EFCAB8: variants seen among roughly 807,000 people sequenced by gnomAD.
The protein encoded by EFCAB8 is EF-hand calcium-binding domain-containing protein 8.
Under a neutral mutation model 116.3 loss-of-function variants are expected in EFCAB8, and 100 were observed. That is an observed-to-expected ratio of 0.86 (90% CI 0.73 to 1.02). EFCAB8 has a LOEUF of 1.02. Among genes scored for constraint, EFCAB8 ranks in the 50% least tolerant of loss-of-function variants. The pLI is 0.00. For synonymous variants in EFCAB8, 558 were observed against 567.9 expected, an observed-to-expected ratio of 0.98 and a Z score of 0.25; for missense variants, 1,320 against 1,416.9, an observed-to-expected ratio of 0.93 and a Z score of 1.10.
intron 7 of EFCAB8, 113 bp from the exon 8 acceptor site, chr20:32,892,100 A>G (rs777094275): frequency 2.5e-5 from 24 of 943,836 alleles, no homozygotes; most frequent in Non-Finnish European, 3.4e-5. Flanking sequence ...CATGGGGGAA[A>G]AAGGGCTGAA....
At chr20:32,865,346 T>C (rs542413271) in intron 2 of EFCAB8, among the ~76,000 whole-genome samples, 1 of 152,172 alleles carries the variant, frequency 6.6e-6, no homozygotes, top group African/African-American at 2.4e-5. Context: ...GAATGCTTGC[T>C]GGGCTTGGGG....
Position 32,906,603 on chromosome 20 carries a change from A to G in EFCAB8, c.1130A>G (p.Asp377Gly), listed in dbSNP as rs1254324245. The G allele has an allele frequency of 5.6e-6, 4 of 718,246 alleles. No individual in the cohort carries two copies. The East Asian group carries it at 1.1e-4, about 19-fold the overall frequency. The allele number at this position is 718,246 out of a possible 1,614,324, so 44.5% of individuals were successfully genotyped here. ...LRLRKGILCF[D>G]YCPDRNFLVT... ...TTAAGGAAAGGGATTCTTTGCTTTG[A>G]TTACTGCCCAGACAGGAACTTCCTG... Residue 377 changes from aspartate (D) to glycine (G), a missense_variant, in exon 12 of 27, where the codon GAT becomes GGT. Asp to Gly is a moderately conservative substitution (Grantham distance 94). Transcript: ENST00000400522.
intron 22 of EFCAB8, among the ~76,000 whole-genome samples, chr20:32,934,140 A>C (rs1988016221): frequency 6.6e-6 from 1 of 151,282 alleles, no homozygotes; most frequent in Non-Finnish European, 1.5e-5. Flanking sequence ...CACCGTGCCC[A>C]GCCCTTTCTA....
chr20:32,961,369 CT>C lies in EFCAB8; in HGVS notation c.3628del (p.Ser1210ProfsTer12). ...SSLLSVTASA[S>X]RLLDSSLPTF... ...CCTTGTTATCTGTCACTGCCTCAGCCTCCAGGCTGCTGGACTCCAGCTTGCC... is the reference window on the plus strand; with the variant it reads ...CCTTGTTATCTGTCACTGCCTCAGCCCCAGGCTGCTGGACTCCAGCTTGCC... On this transcript the variant is annotated frameshift_variant, in exon 27 of 27. Transcript: ENST00000400522. LOFTEE classifies it low-confidence loss of function (END_TRUNC). The C allele has an allele frequency of 6.8e-7, 1 of 1,463,962 alleles. No homozygotes were observed. Among genetic ancestry groups the C allele is most frequent in the Non-Finnish European group, 9.0e-7 (1 of 1,106,800 alleles). 90.7% of individuals were successfully genotyped at this position (1,463,962 alleles called of 1,614,324 possible).
chr20:32,866,037 G>A (rs970049515), intron 2 of EFCAB8, among the ~76,000 whole-genome samples: 5 of 152,198 alleles, frequency 3.3e-5, no homozygotes, highest in African/African-American at 9.6e-5. Flanking sequence ...AGCTGAAGGC[G>A]GTGCTGAGAT....
chr20:32,900,727 C>T (rs773650596), intron 11 of EFCAB8, among the ~76,000 whole-genome samples: 5 of 152,108 alleles, frequency 3.3e-5, no homozygotes, highest in East Asian at 3.9e-4. Context: ...CCACCATGCC[C>T]GGTTAATTTT....
chr20:32,861,959 C>T (rs1984137296), intron 1 of EFCAB8, among the ~76,000 whole-genome samples: 1 of 151,902 alleles, frequency 6.6e-6, no homozygotes, highest in South Asian at 2.1e-4. Flanking sequence ...CACTGGTAAC[C>T]TCTTAATTGC....
chr20:32,866,907 T>C (rs1984447610), intron 2 of EFCAB8, among the ~76,000 whole-genome samples: 1 of 151,102 alleles, frequency 6.6e-6, no homozygotes, highest in Admixed American at 6.6e-5. Context: ...TCTCTCTCTT[T>C]CTTTCTTTCG....
In EFCAB8 at chr20:32,863,851, T is replaced by C; in HGVS notation, c.42+17T>C. 1 of 1,551,136 alleles carries C rather than the reference T, an allele frequency of 6.4e-7. No homozygotes were observed. The highest frequency in any genetic ancestry group is 8.7e-7 in the Non-Finnish European group (1 of 1,146,742). On this transcript the variant is annotated intron_variant, in intron 2 of 26. Coordinates refer to ENST00000400522, the MANE Select transcript of EFCAB8 (RefSeq NM_001143967.2). ...CTCCAAAAGGTAAGAAAGACAATTA[T>C]CTGAACTAATAAAGGGTGGGGCATT...
chr20:32,961,112 C>T (rs761090156), intron 26 of EFCAB8, 24 bp from the exon 27 acceptor site: 231 of 1,547,184 alleles, frequency 1.5e-4, no homozygotes, highest in Non-Finnish European at 1.9e-4. Context: ...GCCCCATTCC[C>T]GCTCCCCACT....
chr20:32,891,208 C>T (rs1166257410), intron 7 of EFCAB8, among the ~76,000 whole-genome samples: 8 of 152,096 alleles, frequency 5.3e-5, no homozygotes, highest in Admixed American at 1.3e-4. Flanking sequence ...CTCCCGGGTT[C>T]AAGAGATTCT....
chr20:32,873,943 C>G (rs1905376812), intron 3 of EFCAB8, among the ~76,000 whole-genome samples: 1 of 151,796 alleles, frequency 6.6e-6, no homozygotes, highest in Non-Finnish European at 1.5e-5. Context: ...TTTATTGAGA[C>G]AGGGTCTTAC....
chr20:32,908,407 T>C lies in EFCAB8; in HGVS notation c.1441T>C (p.Tyr481His). ...EKDNTLICST[Y>H]SIGILKGYLE... Reference sequence around the variant, plus strand: ...GGACAATACCCTCATCTGCAGCACCTACTCAGTGAGTGCTGTCCCAGGAGG... The same window carrying C: ...GGACAATACCCTCATCTGCAGCACCCACTCAGTGAGTGCTGTCCCAGGAGG... Residue 481 changes from tyrosine to histidine, a missense_variant, in exon 14 of 27, where the codon TAC becomes CAC. Tyr to His is a moderately conservative substitution (Grantham distance 83). Coordinates refer to ENST00000400522, the MANE Select transcript of EFCAB8 (RefSeq NM_001143967.2). 9 of 1,249,930 alleles carry C rather than the reference T, an allele frequency of 7.2e-6. No individual in the cohort carries two copies. Among genetic ancestry groups the C allele is most frequent in the Non-Finnish European group, 9.1e-6 (9 of 988,248 alleles). The allele number at this position is 1,249,930 out of a possible 1,614,324, so 77.4% of individuals were successfully genotyped here.
At chr20:32,875,843 C>G in intron 3 of EFCAB8, 83 bp from the exon 4 acceptor site, 2 of 1,268,206 alleles carry the variant, frequency 1.6e-6, no homozygotes, top group African/African-American at 1.5e-5. Flanking sequence ...CCCTCAGCAC[C>G]CAGACACTTG....
intron 3 of EFCAB8, among the ~76,000 whole-genome samples, chr20:32,868,228 A>T (rs2146172586): frequency 6.6e-6 from 1 of 151,994 alleles, no homozygotes; most frequent in Middle Eastern, 3.4e-3. Context: ...CTGGCTAATT[A>T]AAAAAATAAT....
At chr20:32,864,346 G>A (rs571564250) in intron 2 of EFCAB8, among the ~76,000 whole-genome samples, 1 of 152,076 alleles carries the variant, frequency 6.6e-6, no homozygotes, top group South Asian at 2.1e-4. Context: ...CACTTTGTGA[G>A]GTGAAGGCAG....
At chr20:32,928,231 T>G (rs1987747866) in intron 20 of EFCAB8, among the ~76,000 whole-genome samples, 1 of 136,044 alleles carries the variant, frequency 7.4e-6, no homozygotes, top group Non-Finnish European at 1.6e-5. Context: ...GAAATGCAAC[T>G]GATTTTTTAT....
At chr20:32,931,076 C>A (rs1026375114) in intron 21 of EFCAB8, 102 bp from the exon 22 acceptor site, 2 of 1,028,698 alleles carry the variant, frequency 1.9e-6, no homozygotes, top group Non-Finnish European at 2.8e-6. Flanking sequence ...AACTGCCCCC[C>A]ACCCCCACCA....
intron 9 of EFCAB8, among the ~76,000 whole-genome samples, chr20:32,895,682 C>T (rs1986126067): frequency 6.6e-6 from 1 of 151,834 alleles, no homozygotes; most frequent in Non-Finnish European, 1.5e-5. Flanking sequence ...AGTGATTCTC[C>T]CGCCTCAGGC....
Sources: gnomAD v4.1 joint callset for allele counts (sites outside exome capture counted in the v4.1 genomes callset) on GRCh38, gnomAD v4.1.1 for gene constraint, MANE v1.5 for transcripts, NCBI Gene and HGNC (gene_info 2026-07-23, HGNC 2026-07-21) for gene names.